The following GAS7 variants were observed in gnomAD, a reference collection of about 807,000 sequenced individuals.
GAS7 encodes the protein growth arrest-specific protein 7.
In GAS7, 28 loss-of-function variants were observed where a neutral mutation model predicts 71.1. That is an observed-to-expected ratio of 0.39 (90% CI 0.29 to 0.54). GAS7 has a LOEUF of 0.54. GAS7 is among the 20% of genes least tolerant of loss of function. The probability of loss-of-function intolerance (pLI) is 0.62; values close to 1 mark genes in which losing one functional copy is unlikely to be tolerated. For missense variants in GAS7, 436 were observed against 627.8 expected, an observed-to-expected ratio of 0.69 and a Z score of 3.27; for synonymous variants, 258 against 245.8, an observed-to-expected ratio of 1.05 and a Z score of -0.46.
At chr17:10,180,683 C>T (rs2074407929) in intron 1 of GAS7, among the ~76,000 whole-genome samples, 1 of 152,168 alleles carries the variant, frequency 6.6e-6, no homozygotes, top group Non-Finnish European at 1.5e-5. Context: ...ACACTCTGTT[C>T]CCCAATCAAT....
intron 1 of GAS7, among the ~76,000 whole-genome samples, chr17:10,155,874 G>A (rs2074201315): frequency 6.6e-6 from 1 of 152,118 alleles, no homozygotes; most frequent in South Asian, 2.1e-4. Context: ...TATGTAATCT[G>A]CCCAGGGACT....
chr17:10,102,194 AAG>A (rs1482802126), intron 1 of GAS7, among the ~76,000 whole-genome samples: 1 of 144,962 alleles, frequency 6.9e-6, no homozygotes, highest in Non-Finnish European at 1.5e-5. Flanking sequence ...GAAGAAAAGA[AAG>A]AGTGCCCGTA....
chr17:10,100,714 G>A (rs2073690298), intron 1 of GAS7, among the ~76,000 whole-genome samples: 1 of 151,912 alleles, frequency 6.6e-6, no homozygotes, highest in South Asian at 2.1e-4. Context: ...CCCCTCTTTG[G>A]AATTACGAAG....
chr17:9,919,552 C>T lies in GAS7; in HGVS notation c.1218+74G>A, dbSNP rs1374010439. On this transcript the variant is annotated intron_variant, in intron 12 of 13. Transcript: ENST00000432992. The surrounding 1 kb of genome is among the most constrained non-coding windows in gnomAD (Gnocchi z 5.0). ...GTCACTCCACCCCATCATCCCCGCG[C>T]CCACCAACAACCACCAGGGGCTGCT... 5 of 1,077,256 alleles carry T rather than the reference C, an allele frequency of 4.6e-6. No individual in the cohort carries two copies. Among genetic ancestry groups the T allele is most frequent in the East Asian group, 2.4e-5 (1 of 42,468 alleles). The allele number at this position is 1,077,256 out of a possible 1,614,324, so 66.7% of individuals were successfully genotyped here.
At chr17:10,127,970 C>G (rs2073963600) in intron 1 of GAS7, among the ~76,000 whole-genome samples, 1 of 152,202 alleles carries the variant, frequency 6.6e-6, no homozygotes, top group South Asian at 2.1e-4. Flanking sequence ...TGGGGCTTAG[C>G]TAATCCTCTG....
intron 2 of GAS7, among the ~76,000 whole-genome samples, chr17:9,995,806 G>A (rs908487167): frequency 2.0e-5 from 3 of 152,082 alleles, no homozygotes; most frequent in African/African-American, 7.2e-5. Context: ...GTATTTTGTG[G>A]AGCACTTTTC....
intron 1 of GAS7, among the ~76,000 whole-genome samples, chr17:10,167,093 C>T (rs62064581): frequency 1.3e-4 from 14 of 107,666 alleles, no homozygotes; most frequent in South Asian, 6.4e-4. Context: ...GTTTCACTCT[C>T]GTTGCCCAGG....
rs2067470962 is a variant in GAS7 at position 9,912,688 on chromosome 17, A to G, written c.*4540T>C. ...CACCACGCGCCAAAAGGCGAGTGTG[A>G]GCCCTAAGAACAGCTTGTGGGCACA... On this transcript the variant is annotated 3_prime_UTR_variant, in exon 14 of 14. Coordinates refer to ENST00000432992, the MANE Select transcript of GAS7 (RefSeq NM_201433.2). The G allele has an allele frequency of 4.3e-6, 1 of 232,670 alleles. No individual in the cohort carries two copies. Among genetic ancestry groups the G allele is most frequent in the African/African-American group, 2.2e-5 (1 of 45,334 alleles). 14.4% of individuals were successfully genotyped at this position (232,670 alleles called of 1,614,324 possible). A position where few individuals can be genotyped will look rare whatever the true frequency, so the allele number is the denominator to read the frequency against.
At chr17:10,147,446 T>C (rs2051669) in intron 1 of GAS7, among the ~76,000 whole-genome samples, 67,264 of 151,938 alleles carry the variant, frequency 0.44, 15,327 homozygotes, top group East Asian at 0.65. Context: ...ATTTCTAAAA[T>C]ACGCAGACAA....
At chr17:10,020,331 G>C (rs979774190) in intron 1 of GAS7, among the ~76,000 whole-genome samples, 1 of 152,144 alleles carries the variant, frequency 6.6e-6, no homozygotes, top group African/African-American at 2.4e-5. Context: ...AAACCTAGCA[G>C]AAGTAATTAA....
intron 4 of GAS7, among the ~76,000 whole-genome samples, chr17:9,968,082 G>A (rs947607964): frequency 2.0e-5 from 3 of 152,294 alleles, no homozygotes; most frequent in East Asian, 3.9e-4. Flanking sequence ...TTCTGTCATC[G>A]TTGCTGAACC....
At chr17:10,144,178 T>A (rs2074104703) in intron 1 of GAS7, among the ~76,000 whole-genome samples, 1 of 152,216 alleles carries the variant, frequency 6.6e-6, no homozygotes, top group African/African-American at 2.4e-5. Context: ...GGCTAGTGAC[T>A]GTTTCCCCTT....
chr17:10,113,573 G>A (rs1275770826), intron 1 of GAS7, among the ~76,000 whole-genome samples: 1 of 152,150 alleles, frequency 6.6e-6, no homozygotes, highest in Non-Finnish European at 1.5e-5. Context: ...GAAGTATAGA[G>A]GGGATACCTG....
chr17:10,091,688 G>C (rs545265387), intron 1 of GAS7, among the ~76,000 whole-genome samples: 65 of 151,966 alleles, frequency 4.3e-4, no homozygotes, highest in Middle Eastern at 3.4e-3. Context: ...GCCCAGCTGG[G>C]GTTTTGTTTT....
chr17:9,953,048 T>C (rs969239481), intron 5 of GAS7, among the ~76,000 whole-genome samples: 1 of 151,968 alleles, frequency 6.6e-6, no homozygotes, highest in Non-Finnish European at 1.5e-5. Flanking sequence ...TGGACGCATA[T>C]GTTCATTGCA....
intron 1 of GAS7, among the ~76,000 whole-genome samples, chr17:10,060,746 C>A (rs1264985010): frequency 1.3e-5 from 2 of 152,218 alleles, no homozygotes; most frequent in Non-Finnish European, 2.9e-5. Context: ...CGTGCGAACA[C>A]AAAATGGTAT....
intron 1 of GAS7, among the ~76,000 whole-genome samples, chr17:10,173,620 T>G (rs1318778637): frequency 6.6e-6 from 1 of 152,022 alleles, no homozygotes; most frequent in African/African-American, 2.4e-5. Context: ...TACAAAAAAT[T>G]AGCCGGGTGT....
intron 3 of GAS7, among the ~76,000 whole-genome samples, chr17:9,975,814 C>T (rs756097214): frequency 6.6e-6 from 1 of 152,198 alleles, no homozygotes; most frequent in Admixed American, 6.5e-5. Flanking sequence ...AGCATCCTTC[C>T]GCGCACACAG....
At chr17:10,178,320 T>C (rs2074388082) in intron 1 of GAS7, among the ~76,000 whole-genome samples, 2 of 115,774 alleles carry the variant, frequency 1.7e-5, no homozygotes, top group Non-Finnish European at 3.8e-5. Flanking sequence ...GGCAATGCCT[T>C]GGCAAGTCCA....
Sources: gnomAD v4.1 joint callset for allele counts (sites outside exome capture counted in the v4.1 genomes callset) on GRCh38, gnomAD v4.1.1 for gene constraint, Gnocchi (gnomAD v3.1) non-coding constraint, MANE v1.5 for transcripts, NCBI Gene and HGNC (gene_info 2026-07-23, HGNC 2026-07-21) for gene names.